The following SLX4IP variants were observed in gnomAD, a reference collection of about 807,000 sequenced individuals.
SLX4IP encodes the protein protein SLX4IP.
In SLX4IP, 34 loss-of-function variants were observed where a neutral mutation model predicts 32.9. That is an observed-to-expected ratio of 1.03 (90% CI 0.79 to 1.38). The LOEUF is 1.38. Among genes scored for constraint, SLX4IP ranks in the 40% most tolerant of loss-of-function variants. SLX4IP has a pLI of 0.00. For missense variants in SLX4IP, 444 were observed against 479.0 expected (o/e 0.93, Z 0.68); for synonymous variants, 172 against 171.7 (o/e 1.00, Z -0.01).
At chr20:10,460,343 A>G (rs2065326282) in intron 2 of SLX4IP, among the ~76,000 whole-genome samples, 1 of 152,310 alleles carries the variant, frequency 6.6e-6, no homozygotes, top group East Asian at 1.9e-4. Context: ...CCATTTTATA[A>G]TCTCTCCTGA....
Position 10,608,160 on chromosome 20 carries a change from G to T in SLX4IP, c.405+6341G>T, listed in dbSNP as rs111333951. On this transcript the variant is annotated intron_variant, in intron 6 of 7. Coordinates refer to ENST00000334534, the MANE Select transcript of SLX4IP (RefSeq NM_001009608.3). ...AGATTTGATTAGGAAAAACGTGGTG[G>T]GGAATAGAACAACTGGAAAAGGGAT... Among the ~76,000 whole-genome samples, 367 of 152,258 alleles carry T rather than the reference G, an allele frequency of 2.4e-3. 1 individual carries two copies. The highest frequency in any genetic ancestry group is 8.5e-3 in the African/African-American group (352 of 41,540).
chr20:10,484,326 T>C (rs1161121708), intron 2 of SLX4IP, among the ~76,000 whole-genome samples: 4 of 152,166 alleles, frequency 2.6e-5, no homozygotes, highest in Non-Finnish European at 1.5e-5. Context: ...AGATACATTG[T>C]CAGTGAAGGA....
chr20:10,598,624 G>A (rs1303967197), intron 4 of SLX4IP, 51 bp from the exon 5 acceptor site: 1 of 1,543,226 alleles, frequency 6.5e-7, no homozygotes, highest in Non-Finnish European at 9.0e-7. Flanking sequence ...GAACTCCAGA[G>A]ATTTAGCGGC....
At chr20:10,555,795 C>T (rs865805104) in intron 2 of SLX4IP, among the ~76,000 whole-genome samples, 2 of 152,092 alleles carry the variant, frequency 1.3e-5, no homozygotes, top group African/African-American at 2.4e-5. Context: ...TCCTTTTGTC[C>T]GTCTAAAAAT....
chr20:10,510,562 C>G (rs969745727), intron 2 of SLX4IP, among the ~76,000 whole-genome samples: 22 of 151,670 alleles, frequency 1.5e-4, no homozygotes, highest in Non-Finnish European at 2.9e-4. Flanking sequence ...GCCTTAGGTG[C>G]CTTGCAAATT....
chr20:10,467,598 T>C (rs533983349), intron 2 of SLX4IP, among the ~76,000 whole-genome samples: 44 of 152,246 alleles, frequency 2.9e-4, no homozygotes, highest in Non-Finnish European at 5.7e-4. Flanking sequence ...GTTGATGCTA[T>C]GCCCAAACTA....
intron 2 of SLX4IP, among the ~76,000 whole-genome samples, chr20:10,551,607 G>T (rs1211945867): frequency 6.6e-6 from 1 of 152,164 alleles, no homozygotes; most frequent in East Asian, 1.9e-4. Context: ...GCCTAGGATG[G>T]GGGCCCTACA....
intron 7 of SLX4IP, among the ~76,000 whole-genome samples, chr20:10,622,413 C>T (rs1484722634): frequency 1.3e-5 from 2 of 152,144 alleles, no homozygotes; most frequent in Non-Finnish European, 2.9e-5. Flanking sequence ...CATCATAAAT[C>T]CATTTTTAAC....
At position 10,601,674 on chromosome 20, in the gene SLX4IP, A is replaced by G. The variant is rs538493326; in HGVS notation, c.317-57A>G. 33 of 1,438,410 alleles carry G rather than the reference A, an allele frequency of 2.3e-5. No individual in the cohort carries two copies. In the African/African-American group the frequency reaches 3.9e-4, roughly 17 times the overall value. The allele number at this position is 1,438,410 out of a possible 1,614,324, so 89.1% of individuals were successfully genotyped here. A position where few individuals can be genotyped will look rare whatever the true frequency, so the allele number is the denominator to read the frequency against. ...AAATGAACAAAAATCTGGAACAACC[A>G]TTCTGTGTTTATAGTTTTTTGACAC... On this transcript the variant is annotated intron_variant, in intron 5 of 7. Transcript: ENST00000334534.
At chr20:10,522,751 G>A (rs2065910330) in intron 2 of SLX4IP, among the ~76,000 whole-genome samples, 1 of 152,066 alleles carries the variant, frequency 6.6e-6, no homozygotes. Context: ...GTTCTTCCCC[G>A]CCATTGAATC....
chr20:10,493,342 C>T (rs1224641587), intron 2 of SLX4IP, among the ~76,000 whole-genome samples: 3 of 151,836 alleles, frequency 2.0e-5, no homozygotes, highest in Admixed American at 6.6e-5. Context: ...GCATTTTTTT[C>T]GTTGTTGCTA....
At chr20:10,617,518 G>A (rs1045196425) in intron 6 of SLX4IP, among the ~76,000 whole-genome samples, 4 of 152,100 alleles carry the variant, frequency 2.6e-5, no homozygotes, top group African/African-American at 7.2e-5. Context: ...ACAGTGTTCT[G>A]TTCAAAACCA....
intron 2 of SLX4IP, among the ~76,000 whole-genome samples, chr20:10,474,614 C>G (rs1163323945): frequency 6.6e-6 from 1 of 152,176 alleles, no homozygotes; most frequent in African/African-American, 2.4e-5. Context: ...TGGTTAACCC[C>G]AGAAGGAAGG....
At chr20:10,493,096 C>T (rs2065638732) in intron 2 of SLX4IP, among the ~76,000 whole-genome samples, 3 of 152,030 alleles carry the variant, frequency 2.0e-5, no homozygotes, top group Admixed American at 2.0e-4. Flanking sequence ...GAGCCACTGC[C>T]CCTGGTGGTA....
intron 4 of SLX4IP, among the ~76,000 whole-genome samples, chr20:10,571,232 C>G (rs900526290): frequency 1.3e-5 from 2 of 152,110 alleles, no homozygotes; most frequent in African/African-American, 4.8e-5. Flanking sequence ...AGTCTGGCTG[C>G]TTAGGAGTAT....
chr20:10,518,059 A>G (rs975434581), intron 2 of SLX4IP, among the ~76,000 whole-genome samples: 12 of 152,126 alleles, frequency 7.9e-5, no homozygotes, highest in Non-Finnish European at 1.6e-4. Flanking sequence ...TAGCTAATGG[A>G]GGCTGGGCCT....
intron 2 of SLX4IP, among the ~76,000 whole-genome samples, chr20:10,474,825 A>G (rs2065460998): frequency 6.6e-6 from 1 of 152,198 alleles, no homozygotes; most frequent in Non-Finnish European, 1.5e-5. Context: ...CCCTTTGGCC[A>G]CTGATCTCTG....
chr20:10,443,802 A>G (rs551150600), intron 1 of SLX4IP, among the ~76,000 whole-genome samples: 1 of 152,278 alleles, frequency 6.6e-6, no homozygotes, highest in South Asian at 2.1e-4. Flanking sequence ...TGCTGTTCTC[A>G]GGATAGTGAG....
In SLX4IP at chr20:10,623,525, T is replaced by C. The variant is rs1428972758; in HGVS notation, c.*146T>C. 6 of 1,252,118 alleles carry C rather than the reference T, an allele frequency of 4.8e-6. No individual in the cohort carries two copies. Among genetic ancestry groups the C allele is most frequent in the Non-Finnish European group, 5.4e-6 (5 of 930,942 alleles). 77.6% of individuals were successfully genotyped at this position (1,252,118 alleles called of 1,614,324 possible). A position where few individuals can be genotyped will look rare whatever the true frequency, so the allele number is the denominator to read the frequency against. On this transcript the variant is annotated 3_prime_UTR_variant, in exon 8 of 8. Transcript: ENST00000334534. The stretch of plus-strand genomic sequence containing the variant: ...AAGTGTGTTATCTGTGTTATGGCTA[T>C]GGTTTGTTTTCAAAGCATTTCAAAC...
Sources: allele counts gnomAD v4.1 joint callset (sites outside exome capture counted in the v4.1 genomes callset), GRCh38; gene constraint gnomAD v4.1.1; transcripts MANE v1.5; gene names NCBI Gene and HGNC (gene_info 2026-07-23, HGNC 2026-07-21).